The following RGS3 variants were observed in gnomAD, a reference collection of about 807,000 sequenced individuals.
The protein encoded by RGS3 is regulator of G-protein signalling 3.
A neutral mutation model predicts 132.6 loss-of-function variants in RGS3; 80 were observed. That is an observed-to-expected ratio of 0.60 (90% CI 0.50 to 0.73). The LOEUF is 0.73. RGS3 is among the 30% of genes least tolerant of loss of function. RGS3 has a pLI of 0.00. For missense variants in RGS3, 1,382 were observed against 1,530.8 expected (o/e 0.90, Z 1.62); for synonymous variants, 598 against 620.6 (o/e 0.96, Z 0.54).
intron 7 of RGS3, among the ~76,000 whole-genome samples, chr9:113,490,268 G>C (rs112538522): frequency 0.025 from 3,783 of 152,172 alleles, 68 homozygotes; most frequent in Admixed American, 0.038. Flanking sequence ...ACTCATAGCG[G>C]AGTTTCATCA....
At chr9:113,550,803 C>T (rs1272350172) in intron 19 of RGS3, among the ~76,000 whole-genome samples, 1 of 152,114 alleles carries the variant, frequency 6.6e-6, no homozygotes, top group African/African-American at 2.4e-5. Context: ...GTCTTTTGCT[C>T]ATTTTTCTAT....
chr9:113,492,097 T>A (rs1254729969), intron 7 of RGS3, among the ~76,000 whole-genome samples: 1 of 152,220 alleles, frequency 6.6e-6, no homozygotes, highest in Non-Finnish European at 1.5e-5. Flanking sequence ...AAATATAAAT[T>A]AGGATTAAAT....
At chr9:113,564,794 T>C (rs912395814) in intron 19 of RGS3, among the ~76,000 whole-genome samples, 2 of 152,178 alleles carry the variant, frequency 1.3e-5, no homozygotes, top group African/African-American at 4.8e-5. Context: ...GGGAAGGGAC[T>C]GAAGCTGCCA....
intron 8 of RGS3, among the ~76,000 whole-genome samples, chr9:113,496,537 TTCTCTC>T (rs922005712): frequency 5.3e-5 from 8 of 151,262 alleles, no homozygotes; most frequent in Admixed American, 5.3e-4. Context: ...CCTAAAGAGC[TTCTCTC>T]TCTCTCTCTC....
intron 1 of RGS3, chr9:113,461,603 C>A: frequency 8.7e-7 from 1 of 1,150,334 alleles, no homozygotes; most frequent in South Asian, 1.5e-5. Context: ...ATGTTAGCTG[C>A]AGAGTGGGGC....
intron 19 of RGS3, among the ~76,000 whole-genome samples, chr9:113,573,488 T>C (rs896117916): frequency 1.3e-5 from 2 of 152,152 alleles, no homozygotes; most frequent in Non-Finnish European, 1.5e-5. Context: ...GGCACATGGA[T>C]AGGAATTGGG....
At chr9:113,479,656 TG>T in intron 4 of RGS3, 115 bp downstream of exon 2, 2 of 916,274 alleles carry the variant, frequency 2.2e-6, no homozygotes, top group Non-Finnish European at 3.5e-6. Context: ...TTCTCATCCT[TG>T]TATAAAGGAT....
At chr9:113,530,608 C>G (rs1382940268) in intron 18 of RGS3, among the ~76,000 whole-genome samples, 1 of 152,262 alleles carries the variant, frequency 6.6e-6, no homozygotes, top group Non-Finnish European at 1.5e-5. Flanking sequence ...GCTCCAGGTT[C>G]TTTAATGCCA....
chr9:113,591,374 C>T lies in RGS3; in HGVS notation c.3057C>T (p.Ser1019=), dbSNP rs748150215. Residue 1019 remains serine, a synonymous_variant, in exon 21 of 25, where the codon TCC becomes TCT. Coordinates refer to ENST00000350696, the Ensembl canonical transcript of RGS3. The surrounding 1 kb of genome is among the most constrained non-coding windows in gnomAD (Gnocchi z 4.4). ...CCGTTGGGGATGATGACGAAGCCTCCCGGAAGAGAAAGAGCAAAAACCTGT... is the reference window on the plus strand; with the variant it reads ...CCGTTGGGGATGATGACGAAGCCTCTCGGAAGAGAAAGAGCAAAAACCTGT... 1 of 1,613,672 alleles carries T rather than the reference C, an allele frequency of 6.2e-7. No homozygotes were observed.
intron 7 of RGS3, among the ~76,000 whole-genome samples, chr9:113,493,891 A>C (rs540410411): frequency 1.3e-5 from 2 of 152,124 alleles, no homozygotes; most frequent in East Asian, 3.9e-4. Context: ...GTTTTGGAAA[A>C]CACATCTCTA....
chr9:113,455,495 G>C (rs1358063558), upstream of RGS3, among the ~76,000 whole-genome samples: 1 of 152,160 alleles, frequency 6.6e-6, no homozygotes, highest in Non-Finnish European at 1.5e-5. Context: ...CTCTTATCAA[G>C]TCTTTAGCTT....
chr9:113,492,673 C>T (rs879509748), intron 7 of RGS3, among the ~76,000 whole-genome samples: 7 of 152,100 alleles, frequency 4.6e-5, no homozygotes, highest in Non-Finnish European at 8.8e-5. Context: ...CGAGGGTGAG[C>T]GCTAGTTCCC....
chr9:113,555,777 A>T (rs1186535323), intron 19 of RGS3, among the ~76,000 whole-genome samples: 1 of 152,170 alleles, frequency 6.6e-6, no homozygotes, highest in African/African-American at 2.4e-5. Context: ...GACTATTTTT[A>T]AACATTAGCA....
At chr9:113,501,088 C>G (rs552453979) in intron 10 of RGS3, among the ~76,000 whole-genome samples, 1 of 152,202 alleles carries the variant, frequency 6.6e-6, no homozygotes, top group African/African-American at 2.4e-5. Context: ...TGAGTGCAAA[C>G]CCCCCCAAGG....
At chr9:113,563,317 T>C (rs1256098364) in intron 19 of RGS3, among the ~76,000 whole-genome samples, 2 of 152,192 alleles carry the variant, frequency 1.3e-5, no homozygotes, top group East Asian at 3.8e-4. Context: ...ATTGGTTCTC[T>C]GCCAATCCCC....
At chr9:113,536,513 G>T (rs1053093079) in intron 18 of RGS3, 14 of 1,179,804 alleles carry the variant, frequency 1.2e-5, no homozygotes, top group Middle Eastern at 7.2e-4. Flanking sequence ...CATCGGCTCT[G>T]TCCTGCTCTC....
chr9:113,468,869 C>T (rs1829733014), intron 3 of RGS3, among the ~76,000 whole-genome samples: 1 of 152,000 alleles, frequency 6.6e-6, no homozygotes, highest in South Asian at 2.1e-4. Context: ...ACAAAATGCA[C>T]CTCTCTTTAG....
intron 20 of RGS3, 95 bp downstream of exon 18, chr9:113,584,522 C>T (rs1835024015): frequency 4.5e-6 from 6 of 1,333,462 alleles, no homozygotes; most frequent in Admixed American, 3.0e-5. Context: ...ATGTTCCACC[C>T]CCACTATCCT....
chr9:113,594,478 G>A, exon 22 of RGS3: 1 of 1,613,760 alleles, frequency 6.2e-7, no homozygotes, highest in African/African-American at 1.3e-5. Context: ...GGCGGAATGA[G>A]TCCCCTGGAG....
Sources: allele counts gnomAD v4.1 joint callset (sites outside exome capture counted in the v4.1 genomes callset), GRCh38; gene constraint gnomAD v4.1.1; non-coding constraint Gnocchi (gnomAD v3.1); transcripts MANE v1.5; gene names NCBI Gene and HGNC (gene_info 2026-07-23, HGNC 2026-07-21).